DNAH9: variants seen among roughly 807,000 people sequenced by gnomAD.
DNAH9 encodes the protein DNAH9 variant protein.
Under a neutral mutation model 471.6 loss-of-function variants are expected in DNAH9, and 345 were observed. The observed-to-expected ratio is 0.73, with a 90% confidence interval of 0.67 to 0.80. DNAH9 has a LOEUF of 0.80. Among genes scored for constraint, DNAH9 ranks in the 30% least tolerant of loss-of-function variants. DNAH9 has a pLI of 0.00. For synonymous variants in DNAH9, 2,093 were observed against 2,123.6 expected, an observed-to-expected ratio of 0.99 and a Z score of 0.40; for missense variants, 5,407 against 5,609.2, an observed-to-expected ratio of 0.96 and a Z score of 1.15.
intron 41 of DNAH9, among the ~76,000 whole-genome samples, chr17:11,790,270 C>T (rs7218761): frequency 4.6e-5 from 7 of 151,840 alleles, no homozygotes; most frequent in South Asian, 4.2e-4. Context: ...AGAGATGTTA[C>T]GATATTTCAC....
chr17:11,731,647 G>T lies in DNAH9; in HGVS notation c.5814+3725G>T, dbSNP rs570115082. The stretch of plus-strand genomic sequence containing the variant: ...TCCCACCTATGAGTGAGAACATGCG[G>T]TGTTTGGTTTTTTGTCCTTGTGATA... On this transcript the variant is annotated intron_variant, in intron 28 of 68. Coordinates refer to ENST00000262442, the MANE Select transcript of DNAH9 (RefSeq NM_001372.4). Among the ~76,000 whole-genome samples, 35 of 149,464 alleles carry T rather than the reference G, an allele frequency of 2.3e-4. No individual in the cohort carries two copies. In the East Asian group the frequency reaches 6.6e-3, roughly 28 times the overall value.
chr17:11,964,505 C>T (rs1429131553), intron 68 of DNAH9, among the ~76,000 whole-genome samples: 1 of 152,028 alleles, frequency 6.6e-6, no homozygotes, highest in East Asian at 1.9e-4. Flanking sequence ...AGGTTTTATC[C>T]CAGAAAGATG....
intron 2 of DNAH9, among the ~76,000 whole-genome samples, chr17:11,608,666 G>A (rs527629040): frequency 4.6e-5 from 7 of 152,296 alleles, no homozygotes; most frequent in African/African-American, 1.7e-4. Context: ...CCCAGGTCCA[G>A]TCTGGGAGGC....
chr17:11,721,057 G>T (rs1175057672), intron 27 of DNAH9, among the ~76,000 whole-genome samples: 1 of 152,060 alleles, frequency 6.6e-6, no homozygotes, highest in Non-Finnish European at 1.5e-5. Context: ...ACACTCATTT[G>T]GATGTAGAAG....
chr17:11,679,700 C>A, intron 17 of DNAH9, 57 bp from the exon 18 acceptor site: 1 of 1,247,382 alleles, frequency 8.0e-7, no homozygotes, highest in Non-Finnish European at 1.2e-6. Context: ...ATCAATACAT[C>A]TGCCTTTCGA....
intron 60 of DNAH9, among the ~76,000 whole-genome samples, chr17:11,905,343 A>G (rs1418539336): frequency 6.6e-6 from 1 of 152,068 alleles, no homozygotes; most frequent in Admixed American, 6.5e-5. Flanking sequence ...CAGCTTTCTG[A>G]AGGTACTGGC....
chr17:11,614,744 G>A (rs1251093528), intron 4 of DNAH9, among the ~76,000 whole-genome samples: 1 of 149,846 alleles, frequency 6.7e-6, no homozygotes, highest in Non-Finnish European at 1.5e-5. Flanking sequence ...CTCCAGAGGA[G>A]AGGAACTCTG....
chr17:11,932,548 C>T lies in DNAH9; in HGVS notation c.12297+343C>T, dbSNP rs891226320. Among the ~76,000 whole-genome samples the T allele has an allele frequency of 9.2e-5, 14 of 152,126 alleles. No homozygotes were observed. Among genetic ancestry groups the T allele is most frequent in the Non-Finnish European group, 1.0e-4 (7 of 68,022 alleles). Reference sequence around the variant, plus strand: ...AACTTACTGAATCAGCGCATTTTAACGAGATTCTCTGGTAATTCGTATGCA... The same window carrying T: ...AACTTACTGAATCAGCGCATTTTAATGAGATTCTCTGGTAATTCGTATGCA... On this transcript the variant is annotated intron_variant, in intron 64 of 68. Coordinates refer to ENST00000262442, the MANE Select transcript of DNAH9 (RefSeq NM_001372.4). This position sits in a 1 kb window ranked among gnomAD's most constrained non-coding sequence, Gnocchi z 4.3.
At chr17:11,883,109 C>T in intron 55 of DNAH9, 1 of 988,686 alleles carries the variant, frequency 1.0e-6, no homozygotes. Context: ...GAAGCTTTTA[C>T]ACAGTCTGCC....
intron 33 of DNAH9, among the ~76,000 whole-genome samples, chr17:11,755,959 A>G (rs1415794524): frequency 2.6e-5 from 4 of 152,132 alleles, no homozygotes; most frequent in African/African-American, 9.7e-5. Context: ...AGAGAATGAG[A>G]GCCAAGTGAA....
intron 22 of DNAH9, among the ~76,000 whole-genome samples, chr17:11,696,170 T>C (rs1437885040): frequency 6.6e-6 from 1 of 152,192 alleles, no homozygotes; most frequent in Non-Finnish European, 1.5e-5. Flanking sequence ...CAAATGCACA[T>C]TTACATTCAT....
chr17:11,881,293 C>G lies in DNAH9; in HGVS notation c.10686C>G (p.Tyr3562Ter), dbSNP rs776881978. The change falls in exon 55 of 69, where the codon TAC becomes TAG. Residue 3562 changes from tyrosine (Y) to a stop codon, truncating the protein, a stop_gained. Transcript: ENST00000262442. LOFTEE classifies it high-confidence loss of function. ...ACACCAAGCTGGCTAATCCTCACTA[C>G]CAGCCTGAGCTGCAGGCTCAGGCCA... is the stretch of plus-strand genomic sequence containing the variant. ...ILHTKLANPH[Y>*]QPELQAQATL... is the part of the protein sequence containing the mutation. 5 of 1,614,194 alleles carry G rather than the reference C, an allele frequency of 3.1e-6. No homozygotes were observed. Among genetic ancestry groups the G allele is most frequent in the Non-Finnish European group, 3.4e-6 (4 of 1,180,036 alleles).
intron 48 of DNAH9, among the ~76,000 whole-genome samples, chr17:11,832,424 G>T (rs987723258): frequency 1.3e-5 from 2 of 152,218 alleles, no homozygotes; most frequent in Admixed American, 6.5e-5. Flanking sequence ...TGACTGGAGT[G>T]ATTATGCCGC....
rs147484957 is a variant in DNAH9, at chr17:11,933,519, T to A, written c.12298-361T>A. On this transcript the variant is annotated intron_variant, in intron 64 of 68. Transcript: ENST00000262442. ...TCTCAGCCTCCCGAGTAGCTGGGAT[T>A]ACAGGCATGCACCACCACACCCAGC... is the stretch of plus-strand genomic sequence containing the variant. Among the ~76,000 whole-genome samples, 1,044 of 152,162 alleles carry A rather than the reference T, an allele frequency of 6.9e-3. 6 individuals are homozygous for A. Among genetic ancestry groups the A allele is most frequent in the African/African-American group, 0.023 (959 of 41,508 alleles).
At chr17:11,694,035 G>A (rs745320228) in intron 21 of DNAH9, 37 bp downstream of exon 21, 152 of 1,604,238 alleles carry the variant, frequency 9.5e-5, no homozygotes, top group Non-Finnish European at 1.2e-4. Flanking sequence ...CTAATAAGAA[G>A]GCATCATTTC....
chr17:11,858,482 C>A (rs925828366), intron 50 of DNAH9, among the ~76,000 whole-genome samples: 1 of 152,128 alleles, frequency 6.6e-6, no homozygotes, highest in Non-Finnish European at 1.5e-5. Context: ...CATTAATTGA[C>A]CCTAGAGTCA....
chr17:11,769,687 T>A (rs1260761737), intron 38 of DNAH9, among the ~76,000 whole-genome samples: 3 of 152,196 alleles, frequency 2.0e-5, no homozygotes, highest in African/African-American at 7.2e-5. Context: ...TCTCTAGAGA[T>A]CATTTAATTC....
At chr17:11,775,340 A>G (rs1968376974) in intron 38 of DNAH9, among the ~76,000 whole-genome samples, 1 of 152,210 alleles carries the variant, frequency 6.6e-6, no homozygotes, top group South Asian at 2.1e-4. Flanking sequence ...TTAAGAATCT[A>G]CATTGAACAA....
At chr17:11,838,962 T>C (rs1171741088) in intron 49 of DNAH9, among the ~76,000 whole-genome samples, 1 of 152,212 alleles carries the variant, frequency 6.6e-6, no homozygotes, top group East Asian at 1.9e-4. Context: ...AGAATACCTA[T>C]AAATCAGAGG....
Sources: gnomAD v4.1 joint callset for allele counts (sites outside exome capture counted in the v4.1 genomes callset) on GRCh38, gnomAD v4.1.1 for gene constraint, Gnocchi (gnomAD v3.1) non-coding constraint, MANE v1.5 for transcripts, NCBI Gene and HGNC (gene_info 2026-07-23, HGNC 2026-07-21) for gene names.